Variants in MRPL9 observed in about 807,000 individuals in gnomAD.
The protein encoded by MRPL9 is mitochondrial ribosomal protein L9.
In MRPL9, 25 loss-of-function variants were observed where a neutral mutation model predicts 27.6. The ratio of observed to expected loss-of-function variants is 0.91; its 90% confidence interval spans 0.66 to 1.27. The LOEUF is 1.27. MRPL9 is among the 50% of genes most tolerant of loss of function. The pLI is 0.00. For synonymous variants in MRPL9, 154 were observed against 139.0 expected, an observed-to-expected ratio of 1.11 and a Z score of -0.76; for missense variants, 362 against 338.0, an observed-to-expected ratio of 1.07 and a Z score of -0.56.
At chr1:151,762,960 T>A (rs766008140) in intron 2 of MRPL9, 30 bp downstream of exon 2, 1 of 1,608,554 alleles carries the variant, frequency 6.2e-7, no homozygotes, top group East Asian at 2.2e-5. Flanking sequence ...CGGACCAGCC[T>A]GAGAGGAAGC....
chr1:151,763,273 C>A, intron 1 of MRPL9, 54 bp downstream of exon 1: 2 of 1,553,424 alleles, frequency 1.3e-6, no homozygotes, highest in African/African-American at 1.4e-5. Context: ...CCCAGTGCGC[C>A]TCCAGAAACA....
intron 2 of MRPL9, 24 bp downstream of exon 2, chr1:151,762,966 G>C: frequency 6.2e-7 from 1 of 1,609,290 alleles, no homozygotes. Flanking sequence ...AGCCTGAGAG[G>C]AAGCGCCTCG....
Position 151,762,428 on chromosome 1 carries a change from A to G in MRPL9, c.383T>C (p.Leu128Pro), listed in dbSNP as rs1021814159. ...LGRNRLLPQGLAVYASPENKK... is the reference protein window; with the variant it reads ...LGRNRLLPQGPAVYASPENKK... Reference sequence around the variant, plus strand: ...GTTTTCAGGGGATGCATATACAGCCAGTCCCTGAGGAAGGAGTCGATTCCG... The same window carrying G: ...GTTTTCAGGGGATGCATATACAGCCGGTCCCTGAGGAAGGAGTCGATTCCG... Residue 128 changes from leucine (L) to proline (P), a missense_variant, in exon 3 of 7, where the codon CTG becomes CCG. Transcript: ENST00000368830. 6.2e-7 allele frequency: 1 copy of G among 1,614,220 alleles called. No homozygotes were observed. The highest frequency in any genetic ancestry group is 1.1e-5 in the South Asian group (1 of 91,078).
chr1:151,761,029 T>C (rs1206296520), intron 5 of MRPL9, 130 bp from the exon 6 acceptor site: 1 of 768,354 alleles, frequency 1.3e-6, no homozygotes, highest in Non-Finnish European at 2.0e-6. Context: ...CTGGGGTGTC[T>C]ACTCTGGCTG....
In MRPL9 at chr1:151,760,886, A is replaced by C. The variant is rs771433056; in HGVS notation, c.602T>G (p.Val201Gly). 4 of 1,532,124 alleles carry C rather than the reference A, an allele frequency of 2.6e-6. No individual in the cohort carries two copies. In the African/African-American group the frequency reaches 4.4e-5, roughly 17 times the overall value. The allele number at this position is 1,532,124 out of a possible 1,614,324, so 94.9% of individuals were successfully genotyped here. The change falls in exon 6 of 7, where the codon GTT becomes GGT. Residue 201 changes from valine (V) to glycine (G), a missense_variant. Transcript: ENST00000368830. The stretch of plus-strand genomic sequence containing the variant: ...TGGTAACTTTAATGTATGTGGGGCA[A>C]CCACAACACCAAGCTGCAAAAAAAA... The part of the protein sequence containing the change: ...RHFFKNLGVV[V>G]APHTLKLPEE...
Position 151,763,439 on chromosome 1 carries a change from A to G in MRPL9, c.41T>C (p.Leu14Pro). The G allele has an allele frequency of 6.4e-7, 1 of 1,570,760 alleles. No homozygotes were observed. The highest frequency in any genetic ancestry group is 8.6e-7 in the Non-Finnish European group (1 of 1,158,084). The change falls in exon 1 of 7, where the codon CTG (leucine) becomes CCG (proline). Residue 14 changes from leucine (L) to proline (P), a missense_variant. By Grantham distance (98) the Leu-to-Pro change is moderately conservative. Coordinates refer to ENST00000368830, the MANE Select transcript of MRPL9 (RefSeq NM_031420.4). ...AAGCAGCCGTCCAGCGCCCGCCCGC[A>G]GCAGAGCTCTGCCCGGGGCCGTGAC... is the stretch of plus-strand genomic sequence containing the variant. Reference protein sequence around the residue: ...PVVTAPGRALLRAGAGRLLRG... With the variant: ...PVVTAPGRALPRAGAGRLLRG...
In MRPL9 at chr1:151,759,977, G is replaced by A. The variant is rs752034779; in HGVS notation, c.*73C>T. The A allele has an allele frequency of 1.4e-5, 22 of 1,566,804 alleles. No homozygotes were observed. The highest frequency in any genetic ancestry group is 1.8e-5 in the Non-Finnish European group (21 of 1,154,888). ...TCTGTATTTGGTCAGAGCTGGGAGT[G>A]AGATCAGGGTGCTTGCACATTTCTG... On this transcript the variant is annotated 3_prime_UTR_variant, in exon 7 of 7. Transcript: ENST00000368830.
intron 5 of MRPL9, 122 bp downstream of exon 5, chr1:151,761,328 TA>T: frequency 1.4e-6 from 1 of 730,922 alleles, no homozygotes; most frequent in Admixed American, 2.2e-5. Context: ...TAACCAAGAA[TA>T]CTTTCCTTAA....
Position 151,763,009 on chromosome 1 carries a change from G to A in MRPL9, c.291C>T (p.Ile97=), listed in dbSNP as rs1438128823. Residue 97 remains isoleucine, a synonymous_variant, in exon 2 of 7, where the codon ATC becomes ATT. Transcript: ENST00000368830. Reference sequence around the variant, plus strand: ...CCTTACTCTCCACCGACTGCGTCAGGATGAGCTCCAGGTTTTCTTTGGGCC... The same window carrying A: ...CCTTACTCTCCACCGACTGCGTCAGAATGAGCTCCAGGTTTTCTTTGGGCC... ...KHRPKENLEL[I]LTQSVENVGV... The A allele has an allele frequency of 3.1e-6, 5 of 1,614,050 alleles. No individual in the cohort carries two copies. The Admixed American group carries it at 6.7e-5, about 22-fold the overall frequency.
intron 2 of MRPL9, 69 bp downstream of exon 2, chr1:151,762,921 G>A (rs773308907): frequency 1.9e-6 from 3 of 1,545,574 alleles, no homozygotes; most frequent in Non-Finnish European, 2.6e-6. Context: ...TAGTTGAGGG[G>A]GACGGGCTAG....
Position 151,760,800 on chromosome 1 carries a change from T to C in MRPL9, c.672+16A>G. On this transcript the variant is annotated intron_variant, in intron 6 of 6. Coordinates refer to ENST00000368830, the MANE Select transcript of MRPL9 (RefSeq NM_031420.4). ...AGGAGAAAGAAAAGAAAAAAGAAAG[T>C]ATGCAAAACACTCACCGTCACCTCA... The C allele has an allele frequency of 6.5e-7, 1 of 1,547,484 alleles. No homozygotes were observed. The highest frequency in any genetic ancestry group is 8.7e-7 in the Non-Finnish European group (1 of 1,155,486).
chr1:151,763,149 G>T lies in MRPL9; in HGVS notation c.154-3C>A. The T allele has an allele frequency of 2.5e-6, 4 of 1,612,464 alleles. No individual in the cohort carries two copies. The African/African-American group carries it at 4.0e-5, about 16-fold the overall frequency. On this transcript the variant is annotated splice_region_variant and splice_polypyrimidine_tract_variant and intron_variant, in intron 1 of 6. Coordinates refer to ENST00000368830, the MANE Select transcript of MRPL9 (RefSeq NM_031420.4). ...CAGCGCTCCACGATGACCGTGCCCT[G>T]GCGGCCAGGAAAGCGACGGTAAGCT...
intron 2 of MRPL9, 124 bp downstream of exon 2, chr1:151,762,866 C>T: frequency 8.4e-7 from 1 of 1,189,440 alleles, no homozygotes; most frequent in Non-Finnish European, 1.2e-6. Flanking sequence ...TTCCTCTTCT[C>T]ACATATAGAG....
Position 151,760,902 on chromosome 1 carries a change from G to GAAAAAAAAAAAAAAA in MRPL9, c.589-4_589-3insTTTTTTTTTTTTTTT. 1 of 1,021,792 alleles carries GAAAAAAAAAAAAAAA rather than the reference G, an allele frequency of 9.8e-7. No individual in the cohort carries two copies. The highest frequency in any genetic ancestry group is 1.2e-6 in the Non-Finnish European group (1 of 820,066). 63.3% of individuals were successfully genotyped at this position (1,021,792 alleles called of 1,614,324 possible). A position where few individuals can be genotyped will look rare whatever the true frequency, so the allele number is the denominator to read the frequency against. ...TGTGGGGCAACCACAACACCAAGCT[G>GAAAAAAAAAAAAAAA]CAAAAAAAAAAAAAAAAAAAAAAAT... On this transcript the variant is annotated splice_polypyrimidine_tract_variant and splice_region_variant and intron_variant, in intron 5 of 6. Coordinates refer to ENST00000368830, the MANE Select transcript of MRPL9 (RefSeq NM_031420.4).
At chr1:151,762,535 C>T (rs369868196) in intron 2 of MRPL9, 35 bp from the exon 3 acceptor site, 38 of 1,585,944 alleles carry the variant, frequency 2.4e-5, no homozygotes, top group Non-Finnish European at 5.1e-6. Context: ...GAATTAGAAC[C>T]ATCTAGGAGT....
rs1648123723 is a variant in MRPL9 at position 151,762,254 on chromosome 1, G to C, written c.436-99C>G. The C allele has an allele frequency of 1.9e-6, 3 of 1,566,804 alleles. No homozygotes were observed. The South Asian group carries it at 3.3e-5, about 17-fold the overall frequency. On this transcript the variant is annotated intron_variant, in intron 3 of 6. Transcript: ENST00000368830. Reference sequence around the variant, plus strand: ...TATGTTGGACATTGGCTGGGCTTCTGCATTCCTGTTCTTCTAGTTCCTATT... The same window carrying C: ...TATGTTGGACATTGGCTGGGCTTCTCCATTCCTGTTCTTCTAGTTCCTATT...
At chr1:151,762,657 CTAAT>C (rs1648152282) in intron 2 of MRPL9, 157 bp from the exon 3 acceptor site, 1 of 756,584 alleles carries the variant, frequency 1.3e-6, no homozygotes, top group African/African-American at 1.8e-5. Flanking sequence ...TAAGAGACTG[CTAAT>C]TAGTTTCTTT....
At chr1:151,762,330 A>C (rs766124177) in intron 3 of MRPL9, 46 bp downstream of exon 3, 6 of 1,611,108 alleles carry the variant, frequency 3.7e-6, no homozygotes, top group Non-Finnish European at 5.1e-6. Flanking sequence ...GCAAGAGAAA[A>C]GAAGTTTTAT....
chr1:151,760,080 C>T lies in MRPL9; in HGVS notation c.774G>A (p.Lys258=). 2 of 1,614,112 alleles carry T rather than the reference C, an allele frequency of 1.2e-6. No homozygotes were observed. The highest frequency in any genetic ancestry group is 1.7e-6 in the Non-Finnish European group (2 of 1,180,014). The change falls in exon 7 of 7, where the codon AAG becomes AAA. Residue 258 remains lysine, a synonymous_variant. Coordinates refer to ENST00000368830, the MANE Select transcript of MRPL9 (RefSeq NM_031420.4). ...YKYWLAQQAA[K]AMAPTSPQI is the part of the protein sequence containing the mutation. ...TCTGGGGGCTGGTGGGGGCCATAGC[C>T]TTGGCAGCTTGCTGGGCTAACCAGT...
Sources: allele counts gnomAD v4.1 joint callset, GRCh38; gene constraint gnomAD v4.1.1; transcripts MANE v1.5; gene names NCBI Gene and HGNC (gene_info 2026-07-23, HGNC 2026-07-21).